PPIP5K2: variants seen among roughly 807,000 people sequenced by gnomAD.
PPIP5K2 encodes inositol hexakisphosphate and diphosphoinositol-pentakisphosphate kinase 2.
Under a neutral mutation model 154.6 loss-of-function variants are expected in PPIP5K2, and 105 were observed. That is an observed-to-expected ratio of 0.68 (90% CI 0.58 to 0.80). The LOEUF (loss-of-function observed/expected upper bound fraction) is 0.80. PPIP5K2 is among the 30% of genes least tolerant of loss of function. The pLI is 0.00. For synonymous variants in PPIP5K2, 480 were observed against 490.3 expected, an observed-to-expected ratio of 0.98 and a Z score of 0.28; for missense variants, 992 against 1,504.6, an observed-to-expected ratio of 0.66 and a Z score of 5.64.
intron 16 of PPIP5K2, 128 bp downstream of exon 16, chr5:103,158,701 C>T: frequency 4.3e-6 from 3 of 691,562 alleles, no homozygotes; most frequent in Non-Finnish European, 6.7e-6. Context: ...GTGGTCAGAT[C>T]ACTAGAGCCC....
At chr5:103,182,578 T>G (rs1241985971) in intron 24 of PPIP5K2, among the ~76,000 whole-genome samples, 1 of 152,204 alleles carries the variant, frequency 6.6e-6, no homozygotes, top group East Asian at 1.9e-4. Flanking sequence ...CTCTGAAACC[T>G]GAACATGCAA....
intron 1 of PPIP5K2, among the ~76,000 whole-genome samples, chr5:103,125,641 C>T (rs1276099306): frequency 6.6e-6 from 1 of 151,870 alleles, no homozygotes; most frequent in Non-Finnish European, 1.5e-5. Context: ...CTTCTATTTT[C>T]TTGTTTGTTT....
rs782141776 is a variant in PPIP5K2, at chr5:103,195,078, G to C, written c.3619+53G>C. 4.4e-6 allele frequency: 7 copies of C among 1,584,326 alleles called. No individual in the cohort carries two copies. The Admixed American group carries it at 7.5e-5, about 17-fold the overall frequency. Reference sequence around the variant, plus strand: ...GATTTGCACAGAAATTAGAGGAATAGTAACTTGCTTTTTAAATGTCAAATT... The same window carrying C: ...GATTTGCACAGAAATTAGAGGAATACTAACTTGCTTTTTAAATGTCAAATT... On this transcript the variant is annotated intron_variant, in intron 30 of 30. Transcript: ENST00000358359.
intron 24 of PPIP5K2, 64 bp downstream of exon 24, chr5:103,180,252 A>G: frequency 7.4e-7 from 1 of 1,344,532 alleles, no homozygotes; most frequent in Non-Finnish European, 9.8e-7. Flanking sequence ...ATAAAACAGA[A>G]AAGAAAATAC....
chr5:103,141,046 C>T (rs1413797463), intron 5 of PPIP5K2, among the ~76,000 whole-genome samples: 1 of 151,740 alleles, frequency 6.6e-6, no homozygotes, highest in Admixed American at 6.6e-5. Context: ...AATAAGAAAT[C>T]ATCTGGGCCG....
rs1366424675 is a variant in PPIP5K2, at chr5:103,208,055, A to G, written c.*6421A>G. The G allele has an allele frequency of 3.3e-5, 5 of 149,978 alleles. No individual in the cohort carries two copies. The highest frequency in any genetic ancestry group is 7.4e-5 in the Non-Finnish European group (5 of 67,620). 9.3% of individuals were successfully genotyped at this position (149,978 alleles called of 1,614,324 possible). A position where few individuals can be genotyped will look rare whatever the true frequency, so the allele number is the denominator to read the frequency against. On this transcript the variant is annotated 3_prime_UTR_variant, in exon 31 of 31. Transcript: ENST00000358359. ...TTGTTTTTGTTGTTTTTTAAAATGC[A>G]ATTTCATATGTTAGGTAGGTTGGCT... is the stretch of plus-strand genomic sequence containing the variant.
At chr5:103,158,850 G>A (rs1298792326) in intron 16 of PPIP5K2, among the ~76,000 whole-genome samples, 1 of 152,024 alleles carries the variant, frequency 6.6e-6, no homozygotes, top group Non-Finnish European at 1.5e-5. Context: ...GATCACCTGA[G>A]CCCAGGAGGT....
In PPIP5K2 at chr5:103,203,199, C is replaced by T. The variant is rs1424758264; in HGVS notation, c.*1565C>T. The T allele has an allele frequency of 6.6e-6, 1 of 152,190 alleles. No homozygotes were observed. The highest frequency in any genetic ancestry group is 6.6e-5 in the Admixed American group (1 of 15,224). The allele number at this position is 152,190 out of a possible 1,614,324, so 9.4% of individuals were successfully genotyped here. On this transcript the variant is annotated 3_prime_UTR_variant, in exon 31 of 31. Coordinates refer to ENST00000358359, the MANE Select transcript of PPIP5K2 (RefSeq NM_001276277.3). ...AAAGTGGAACCTAATTAAAATATTT[C>T]CAGAATCAAAGAGACTTAAATGGTA... is the stretch of plus-strand genomic sequence containing the variant.
At chr5:103,188,922 C>A (rs1291144813) in intron 28 of PPIP5K2, 1 of 369,312 alleles carries the variant, frequency 2.7e-6, no homozygotes, top group African/African-American at 2.1e-5. Context: ...CTTTTCTATT[C>A]TACAAATATT....
intron 21 of PPIP5K2, among the ~76,000 whole-genome samples, chr5:103,175,996 T>C (rs1341194184): frequency 6.6e-6 from 1 of 152,138 alleles, no homozygotes; most frequent in East Asian, 1.9e-4. Context: ...AATTAAAATC[T>C]TACTCAGTAT....
At chr5:103,171,522 A>G (rs1213516266) in intron 19 of PPIP5K2, among the ~76,000 whole-genome samples, 6 of 151,606 alleles carry the variant, frequency 4.0e-5, no homozygotes, top group African/African-American at 1.4e-4. Flanking sequence ...TTGAAACTAC[A>G]TATGAGGACT....
At chr5:103,177,595 C>T in intron 21 of PPIP5K2, 72 bp from the exon 22 acceptor site, 7 of 991,296 alleles carry the variant, frequency 7.1e-6, no homozygotes, top group Non-Finnish European at 1.1e-5. Context: ...AACAAGCTAC[C>T]ATAGTGACAA....
At chr5:103,163,440 A>G (rs154356) in intron 17 of PPIP5K2, among the ~76,000 whole-genome samples, 48,653 of 151,656 alleles carry the variant, frequency 0.32, 8,075 homozygotes, top group East Asian at 0.45. Flanking sequence ...GATTATAGGC[A>G]TCAACCTTGT....
chr5:103,159,308 A>C lies in PPIP5K2; in HGVS notation c.1900A>C (p.Thr634Pro). Residue 634 changes from threonine to proline, a missense_variant, in exon 17 of 31, where the codon ACT becomes CCT. Thr to Pro is a conservative substitution (Grantham distance 38). Around this residue, in one of 9 missense-constraint regions of PPIP5K2, gnomAD observed 82 missense variants for 91.8 expected, o/e 0.89. Transcript: ENST00000358359. ...HEILQKDRDF[T>P]AEDYEKLTPS... ...AATACTTCAGAAAGACAGAGATTTT[A>C]CTGCTGAAGATTATGAAAAGGTGGG... 6.2e-7 allele frequency: 1 copy of C among 1,608,884 alleles called. No homozygotes were observed. The highest frequency in any genetic ancestry group is 1.1e-5 in the South Asian group (1 of 89,958).
chr5:103,155,741 A>G (rs781969240), intron 13 of PPIP5K2, among the ~76,000 whole-genome samples, 168 bp from the exon 14 acceptor site: 1 of 151,838 alleles, frequency 6.6e-6, no homozygotes, highest in Non-Finnish European at 1.5e-5. Context: ...ATTTTTAGAA[A>G]AACATTTTTG....
At chr5:103,167,560 A>G (rs1361788630) in intron 18 of PPIP5K2, among the ~76,000 whole-genome samples, 4 of 152,106 alleles carry the variant, frequency 2.6e-5, no homozygotes, top group South Asian at 2.1e-4. Flanking sequence ...CAGCATTGCT[A>G]TATAGTTAAG....
At chr5:103,140,166 A>G (rs993463913) in intron 5 of PPIP5K2, among the ~76,000 whole-genome samples, 2 of 137,470 alleles carry the variant, frequency 1.5e-5, no homozygotes, top group Non-Finnish European at 3.2e-5. Context: ...AAAAAAAAAA[A>G]TCTTAAAAAT....
chr5:103,157,338 T>C (rs1236694701), intron 14 of PPIP5K2, among the ~76,000 whole-genome samples: 1 of 152,198 alleles, frequency 6.6e-6, no homozygotes, highest in Non-Finnish European at 1.5e-5. Context: ...GATTCCACAA[T>C]TTCAAATTTA....
chr5:103,162,690 A>G (rs1258722188), intron 17 of PPIP5K2, among the ~76,000 whole-genome samples: 1 of 152,140 alleles, frequency 6.6e-6, no homozygotes, highest in East Asian at 1.9e-4. Context: ...AGCAAAAGTT[A>G]TAGTTTTTCA....
Sources: allele counts gnomAD v4.1 joint callset (sites outside exome capture counted in the v4.1 genomes callset), GRCh38; gene constraint gnomAD v4.1.1; regional missense constraint gnomAD v4.1.1; transcripts MANE v1.5; gene names NCBI Gene and HGNC (gene_info 2026-07-23, HGNC 2026-07-21).